PTPN14: variants seen among roughly 807,000 people sequenced by gnomAD.
PTPN14 encodes the protein protein tyrosine phosphatase non-receptor type 14.
Under a neutral mutation model 126.8 loss-of-function variants are expected in PTPN14, and 53 were observed. The ratio of observed to expected loss-of-function variants is 0.42; its 90% CI spans 0.34 to 0.53. The LOEUF (loss-of-function observed/expected upper bound fraction) is 0.53, where lower values mean the gene tolerates loss of function less well. Ranked by LOEUF, PTPN14 falls within the 20% of genes least tolerant of loss-of-function variation. PTPN14 has a pLI of 0.08. For synonymous variants in PTPN14, 630 were observed against 599.3 expected (o/e 1.05, Z -0.75); for missense variants, 1,257 against 1,552.9 (o/e 0.81, Z 3.20).
intron 1 of PTPN14, among the ~76,000 whole-genome samples, chr1:214,510,123 G>T (rs569161743): frequency 2.3e-4 from 35 of 152,238 alleles, no homozygotes; most frequent in African/African-American, 6.7e-4. Flanking sequence ...TAGGGAGGCG[G>T]GAGGAGAGGG....
At chr1:214,525,074 T>A (rs527747257) in intron 1 of PTPN14, among the ~76,000 whole-genome samples, 1 of 152,176 alleles carries the variant, frequency 6.6e-6, no homozygotes, top group Non-Finnish European at 1.5e-5. Flanking sequence ...GAGGTATATA[T>A]GTAACATATA....
chr1:214,543,840 C>T (rs1655902563), intron 1 of PTPN14, among the ~76,000 whole-genome samples: 1 of 152,102 alleles, frequency 6.6e-6, no homozygotes, highest in Non-Finnish European at 1.5e-5. Context: ...AGGATGGTCT[C>T]GATCTCTTGA....
At chr1:214,477,350 C>T (rs1660890232) in intron 1 of PTPN14, among the ~76,000 whole-genome samples, 2 of 152,130 alleles carry the variant, frequency 1.3e-5, no homozygotes, top group East Asian at 1.9e-4. Flanking sequence ...AGGTATACTG[C>T]GGCCACACAT....
intron 1 of PTPN14, among the ~76,000 whole-genome samples, chr1:214,548,574 G>T (rs1310836742): frequency 6.6e-6 from 1 of 152,110 alleles, no homozygotes; most frequent in East Asian, 1.9e-4. Context: ...ACAGCATTTG[G>T]TGACTAAGTA....
At chr1:214,491,049 G>T (rs1661235291) in intron 1 of PTPN14, among the ~76,000 whole-genome samples, 1 of 150,318 alleles carries the variant, frequency 6.7e-6, no homozygotes, top group African/African-American at 2.5e-5. Flanking sequence ...AAGAAAGAAA[G>T]AAAGAAAAAC....
At chr1:214,534,824 T>G (rs1655662250) in intron 1 of PTPN14, among the ~76,000 whole-genome samples, 1 of 152,210 alleles carries the variant, frequency 6.6e-6, no homozygotes, top group Non-Finnish European at 1.5e-5. Context: ...CTGGGAATCA[T>G]GTGGGATGAG....
chr1:214,521,936 CTTT>C (rs367888207), intron 1 of PTPN14, among the ~76,000 whole-genome samples: 34 of 99,904 alleles, frequency 3.4e-4, no homozygotes, highest in African/African-American at 8.6e-4. Flanking sequence ...AAATCTGAAG[CTTT>C]TTTTTTTTTT....
chr1:214,435,388 A>C (rs1230817548), intron 3 of PTPN14, among the ~76,000 whole-genome samples: 2 of 152,110 alleles, frequency 1.3e-5, no homozygotes, highest in African/African-American at 4.8e-5. Context: ...TTCTAGTTAT[A>C]ATTATGTTAT....
Position 214,394,856 on chromosome 1 carries a change from C to A in PTPN14, c.846+43G>T, listed in dbSNP as rs746871003. The A allele has an allele frequency of 2.0e-6, 3 of 1,534,626 alleles. No individual in the cohort carries two copies. The South Asian group carries it at 3.4e-5, about 17-fold the overall frequency. Reference sequence around the variant, plus strand: ...CATTAGGAGTTGAAAAGTCCAAAAGCCAGTGTCTTGTCAGACCCTGACTGT... The same window carrying A: ...CATTAGGAGTTGAAAAGTCCAAAAGACAGTGTCTTGTCAGACCCTGACTGT... On this transcript the variant is annotated intron_variant, in intron 9 of 18. Transcript: ENST00000366956.
chr1:214,523,187 T>C (rs577113671), intron 1 of PTPN14, among the ~76,000 whole-genome samples: 86 of 151,874 alleles, frequency 5.7e-4, no homozygotes, highest in African/African-American at 1.9e-3. Flanking sequence ...GAACCTGGCA[T>C]CCCGAGGTCA....
intron 1 of PTPN14, among the ~76,000 whole-genome samples, chr1:214,481,078 C>T (rs1005038934): frequency 2.6e-5 from 4 of 152,118 alleles, no homozygotes; most frequent in Non-Finnish European, 5.9e-5. Flanking sequence ...GACAAGGGTA[C>T]ATAATGGCTC....
chr1:214,505,022 TTC>T (rs2102435928), intron 1 of PTPN14, among the ~76,000 whole-genome samples: 2 of 152,172 alleles, frequency 1.3e-5, no homozygotes, highest in African/African-American at 4.8e-5. Flanking sequence ...AGTAGATGAA[TTC>T]TGTCTAAGAA....
chr1:214,438,681 T>A (rs1659973769), intron 3 of PTPN14, among the ~76,000 whole-genome samples: 1 of 152,196 alleles, frequency 6.6e-6, no homozygotes, highest in Admixed American at 6.5e-5. Context: ...GGCATTGTAA[T>A]GTCTCAACCT....
chr1:214,378,808 G>A (rs1438469870), intron 13 of PTPN14, among the ~76,000 whole-genome samples: 2 of 152,178 alleles, frequency 1.3e-5, no homozygotes, highest in African/African-American at 4.8e-5. Context: ...CAGAGACGGT[G>A]CCTCCCAACA....
intron 5 of PTPN14, among the ~76,000 whole-genome samples, chr1:214,403,502 G>C (rs1436265254): frequency 1.3e-5 from 2 of 152,142 alleles, no homozygotes; most frequent in Non-Finnish European, 2.9e-5. Flanking sequence ...AGCTCTGTAA[G>C]GCAACAGTTG....
intron 1 of PTPN14, among the ~76,000 whole-genome samples, chr1:214,535,603 C>G (rs957573137): frequency 2.6e-5 from 4 of 152,064 alleles, no homozygotes; most frequent in Admixed American, 6.6e-5. Context: ...TATAGTGAAA[C>G]CCCATCTCTA....
In PTPN14 at chr1:214,384,489, T is replaced by G. The variant is rs768362212; in HGVS notation, c.1366A>C (p.Ile456Leu). 1.2e-6 allele frequency: 2 copies of G among 1,614,030 alleles called. No individual in the cohort carries two copies. The highest frequency in any genetic ancestry group is 3.3e-5 in the Admixed American group (2 of 59,996). ...ETVMRQMKRG[I>L]LHTDSQSQSL... is the part of the protein sequence containing the mutation. Reference sequence around the variant, plus strand: ...TGGCTCTGGCTGTCTGTATGCAGGATCCCCCTCTTCATCTGGCGCATGACT... The same window carrying G: ...TGGCTCTGGCTGTCTGTATGCAGGAGCCCCCTCTTCATCTGGCGCATGACT... Residue 456 changes from isoleucine (I) to leucine (L), a missense_variant, in exon 13 of 19, where the codon ATC becomes CTC. Ile to Leu is a conservative substitution (Grantham distance 5, BLOSUM62 2). Coordinates refer to ENST00000366956, the MANE Select transcript of PTPN14 (RefSeq NM_005401.5). The surrounding 1 kb of genome is among the most constrained non-coding windows in gnomAD (Gnocchi z 5.3).
chr1:214,357,990 T>C lies in PTPN14; in HGVS notation c.3496A>G (p.Thr1166Ala). Reference sequence around the variant, plus strand: ...TAGACAAACTTGTACTGAGCGATAGTCTGGATCATGAACATCCTCTGCTCC... The same window carrying C: ...TAGACAAACTTGTACTGAGCGATAGCCTGGATCATGAACATCCTCTGCTCC... ...LREQRMFMIQ[T>A]IAQYKFVYQV... The change falls in exon 19 of 19, where the codon ACT (threonine) becomes GCT (alanine). Residue 1166 changes from threonine to alanine, a missense_variant. Physicochemically the swap from Thr to Ala is moderately conservative, Grantham distance 58. Transcript: ENST00000366956. The C allele has an allele frequency of 6.2e-7, 1 of 1,613,644 alleles. No individual in the cohort carries two copies. Among genetic ancestry groups the C allele is most frequent in the Non-Finnish European group, 8.5e-7 (1 of 1,179,766 alleles).
At chr1:214,403,513 C>T (rs11120310) in intron 5 of PTPN14, among the ~76,000 whole-genome samples, 98,158 of 152,024 alleles carry the variant, frequency 0.65, 32,312 homozygotes, top group East Asian at 1. Flanking sequence ...GCAACAGTTG[C>T]GTAGCTGACT....
Sources: allele counts gnomAD v4.1 joint callset (sites outside exome capture counted in the v4.1 genomes callset), GRCh38; gene constraint gnomAD v4.1.1; non-coding constraint Gnocchi (gnomAD v3.1); transcripts MANE v1.5; gene names NCBI Gene and HGNC (gene_info 2026-07-23, HGNC 2026-07-21).